Variants in CCNJL observed in about 807,000 individuals in gnomAD.
The protein encoded by CCNJL is cyclin-J-like protein.
A neutral mutation model predicts 33.4 loss-of-function variants in CCNJL; 33 were observed. The observed-to-expected ratio is 0.99, with a 90% CI of 0.75 to 1.32. The LOEUF is 1.32. Ranked by LOEUF, CCNJL falls within the 40% of genes most tolerant of loss-of-function variation. The probability of loss-of-function intolerance (pLI) is 0.00; values close to 1 mark genes in which losing one functional copy is unlikely to be tolerated. For synonymous variants in CCNJL, 227 were observed against 220.9 expected, an observed-to-expected ratio of 1.03 and a Z score of -0.24; for missense variants, 512 against 499.7, an observed-to-expected ratio of 1.02 and a Z score of -0.23.
At chr5:160,337,717 T>C (rs1439895951) in intron 1 of CCNJL, among the ~76,000 whole-genome samples, 1 of 152,182 alleles carries the variant, frequency 6.6e-6, no homozygotes, top group African/African-American at 2.4e-5. Context: ...TAGGCATGAA[T>C]TGAAAGTAGG....
intron 2 of CCNJL, 101 bp downstream of exon 2, chr5:160,311,756 CG>C: frequency 9.1e-7 from 1 of 1,100,688 alleles, no homozygotes; most frequent in South Asian, 1.3e-5. Context: ...AAAAGGCACC[CG>C]GGAGTTCTGA....
chr5:160,249,222 T>C lies in CCNJL; in HGVS notation c.*4156A>G, dbSNP rs976125801. ...GAAAGGACACTTGCATGCTAGTTTA[T>C]CTATGGTCAGTTGTGGAATAGGTCT... is the stretch of plus-strand genomic sequence containing the variant. On this transcript the variant is annotated 3_prime_UTR_variant, in exon 6 of 6. Transcript: ENST00000257536. The C allele has an allele frequency of 1.3e-5, 2 of 152,214 alleles. No individual in the cohort carries two copies. The highest frequency in any genetic ancestry group is 4.8e-5 in the African/African-American group (2 of 41,458). The allele number at this position is 152,214 out of a possible 1,614,324, so 9.4% of individuals were successfully genotyped here.
At chr5:160,272,746 T>C (rs1185536712) in intron 3 of CCNJL, among the ~76,000 whole-genome samples, 1 of 152,200 alleles carries the variant, frequency 6.6e-6, no homozygotes, top group Admixed American at 6.5e-5. Context: ...AGCTGTTGGT[T>C]GAGTTAAAAC....
At chr5:160,298,143 A>T (rs7704859) in intron 2 of CCNJL, among the ~76,000 whole-genome samples, 1 of 152,098 alleles carries the variant, frequency 6.6e-6, no homozygotes, top group African/African-American at 2.4e-5. Flanking sequence ...ACCCCTCAGA[A>T]GCCATTTTTC....
chr5:160,276,101 A>T (rs1375984950), intron 3 of CCNJL, among the ~76,000 whole-genome samples: 1 of 152,210 alleles, frequency 6.6e-6, no homozygotes, highest in Non-Finnish European at 1.5e-5. Context: ...TTCAGTCATA[A>T]AAAGAAATGA....
At chr5:160,336,026 G>A (rs1763680747) in intron 1 of CCNJL, among the ~76,000 whole-genome samples, 1 of 152,130 alleles carries the variant, frequency 6.6e-6, no homozygotes, top group Non-Finnish European at 1.5e-5. Flanking sequence ...TCAGTCTTCA[G>A]ACTCTCCCCT....
chr5:160,268,838 T>C (rs1761714501), intron 3 of CCNJL, among the ~76,000 whole-genome samples: 1 of 152,214 alleles, frequency 6.6e-6, no homozygotes, highest in Admixed American at 6.5e-5. Flanking sequence ...TGAAGGTGGA[T>C]CTGGGTACCC....
chr5:160,304,083 T>C (rs1315488819), intron 2 of CCNJL, among the ~76,000 whole-genome samples: 1 of 152,172 alleles, frequency 6.6e-6, no homozygotes, highest in Non-Finnish European at 1.5e-5. Context: ...GGGATTGCTG[T>C]CGTGATTTTG....
chr5:160,339,485 C>G (rs1364851079), exon 1 of CCNJL: 1 of 453,246 alleles, frequency 2.2e-6, no homozygotes, highest in Admixed American at 2.4e-5. Context: ...ATTTCAGCCT[C>G]ATAATATTGT....
chr5:160,255,741 A>G (rs920783264), intron 4 of CCNJL, 33 bp from the exon 5 acceptor site: 1 of 1,605,560 alleles, frequency 6.2e-7, no homozygotes, highest in Non-Finnish European at 8.5e-7. Context: ...GTCAGCATCC[A>G]AATCCTCCCC....
intron 4 of CCNJL, among the ~76,000 whole-genome samples, chr5:160,257,316 AT>A (rs1238512887): frequency 1.3e-5 from 2 of 151,832 alleles, no homozygotes; most frequent in African/African-American, 4.8e-5. Flanking sequence ...TCTACTAAAA[AT>A]ACAAAAAATT....
intron 3 of CCNJL, among the ~76,000 whole-genome samples, chr5:160,277,166 G>A (rs1452161215): frequency 1.3e-5 from 2 of 152,188 alleles, no homozygotes; most frequent in Non-Finnish European, 2.9e-5. Context: ...CACACTACAA[G>A]TTGGGCAAGT....
In CCNJL at chr5:160,275,617, G is replaced by A. The variant is rs550998206; in HGVS notation, c.280+4908C>T. Among the ~76,000 whole-genome samples, 12 of 151,618 alleles carry A rather than the reference G, an allele frequency of 7.9e-5. No individual in the cohort carries two copies. The East Asian group carries it at 1.2e-3, about 15-fold the overall frequency. ...CTCCCACCTCAGCCTCCCAAGTAGCGGGGACTACAAGCACGTGCCACCACA... is the reference window on the plus strand; with the variant it reads ...CTCCCACCTCAGCCTCCCAAGTAGCAGGGACTACAAGCACGTGCCACCACA... On this transcript the variant is annotated intron_variant, in intron 3 of 5. Transcript: ENST00000257536.
Position 160,321,078 on chromosome 5 carries a change from CTTTCTTTCT to C in CCNJL, n.207-5582_207-5574del, listed in dbSNP as rs1561812923. Reference sequence around the variant, plus strand: ...TCTTTCTTTCTTTCTTTCTTTCTTTCTTTCTTTCTTTCCTTCTCTCTTTCTCTCTCTCTC... The same window carrying C: ...TCTTTCTTTCTTTCTTTCTTTCTTTCTTCCTTCTCTCTTTCTCTCTCTCTC... On this transcript the variant is annotated intron_variant and non_coding_transcript_variant, in intron 1 of 7. Coordinates refer to the CCNJL transcript ENST00000377503. Among the ~76,000 whole-genome samples the C allele has an allele frequency of 9.7e-3, 1,011 of 103,940 alleles. 31 individuals are homozygous for C. The highest frequency in any genetic ancestry group is 0.04 in the African/African-American group (629 of 15,864). 68.2% of individuals were successfully genotyped at this position (103,940 alleles called of 152,430 possible).
At chr5:160,275,084 TG>T (rs773027343) in intron 3 of CCNJL, among the ~76,000 whole-genome samples, 3 of 149,038 alleles carry the variant, frequency 2.0e-5, no homozygotes, top group African/African-American at 7.5e-5. Flanking sequence ...AGGATTTGTG[TG>T]TTTTTTTTTT....
In CCNJL at chr5:160,250,904, T is replaced by G. The variant is rs1021205263; in HGVS notation, c.*2474A>C. 6.6e-6 allele frequency: 1 copy of G among 152,194 alleles called. No homozygotes were observed. Among genetic ancestry groups the G allele is most frequent in the Admixed American group, 6.5e-5 (1 of 15,276 alleles). The allele number at this position is 152,194 out of a possible 1,614,324, so 9.4% of individuals were successfully genotyped here. ...TTATTTAATCCTCTTAAGAACCCTA[T>G]GAGGCAAGGTGTTATCACTCCCATT... On this transcript the variant is annotated 3_prime_UTR_variant, in exon 6 of 6. Coordinates refer to ENST00000257536, the MANE Select transcript of CCNJL (RefSeq NM_001308173.3).
At chr5:160,280,148 G>A (rs145275382) in intron 3 of CCNJL, among the ~76,000 whole-genome samples, 1 of 152,292 alleles carries the variant, frequency 6.6e-6, no homozygotes, top group Admixed American at 6.5e-5. Flanking sequence ...CAGGAGACAG[G>A]AGGTTGAGGG....
chr5:160,269,381 C>T (rs550963239), intron 3 of CCNJL: 38 of 456,206 alleles, frequency 8.3e-5, no homozygotes, highest in Admixed American at 1.4e-4. Flanking sequence ...CTTCTGTCCT[C>T]GTACGGAGGA....
intron 3 of CCNJL, among the ~76,000 whole-genome samples, chr5:160,265,690 C>T (rs12653002): frequency 2.0e-5 from 3 of 151,160 alleles, no homozygotes; most frequent in African/African-American, 4.9e-5. Flanking sequence ...AACCCTGTCT[C>T]TACTAAAATA....
Sources: allele counts gnomAD v4.1 joint callset (sites outside exome capture counted in the v4.1 genomes callset), GRCh38; gene constraint gnomAD v4.1.1; transcripts MANE v1.5; gene names NCBI Gene and HGNC (gene_info 2026-07-23, HGNC 2026-07-21).